TP63: variants seen among roughly 807,000 people sequenced by gnomAD.
The protein encoded by TP63 is tumor protein 63.
Under a neutral mutation model 82.8 loss-of-function variants are expected in TP63, and 17 were observed. That is an observed-to-expected ratio of 0.21 (90% CI 0.14 to 0.31). The LOEUF (loss-of-function observed/expected upper bound fraction) is 0.31. Among genes scored for constraint, TP63 ranks in the 10% least tolerant of loss-of-function variants. The pLI, the probability that TP63 is intolerant of heterozygous loss-of-function variation, is 1.00. For synonymous variants in TP63, 330 were observed against 321.7 expected, an observed-to-expected ratio of 1.03 and a Z score of -0.28; for missense variants, 648 against 895.3, an observed-to-expected ratio of 0.72 and a Z score of 3.52.
At chr3:189,734,171 CTT>C (rs57302272) in intron 1 of TP63, among the ~76,000 whole-genome samples, 37 of 84,648 alleles carry the variant, frequency 4.4e-4, no homozygotes, top group African/African-American at 1.5e-3. Flanking sequence ...TCCCTCCCTT[CTT>C]TTTTTTTTTT....
chr3:189,664,485 A>G (rs1714206552), intron 1 of TP63, among the ~76,000 whole-genome samples: 1 of 152,172 alleles, frequency 6.6e-6, no homozygotes, highest in Non-Finnish European at 1.5e-5. Context: ...GCAGCATGCC[A>G]CATTGCATAG....
intron 3 of TP63, among the ~76,000 whole-genome samples, chr3:189,745,259 G>A (rs981825052): frequency 6.6e-6 from 1 of 152,138 alleles, no homozygotes; most frequent in African/African-American, 2.4e-5. Flanking sequence ...TAATTCTCCA[G>A]CAATAGATCC....
At chr3:189,864,026 C>T (rs1279941123) in intron 4 of TP63, among the ~76,000 whole-genome samples, 1 of 152,120 alleles carries the variant, frequency 6.6e-6, no homozygotes, top group Admixed American at 6.5e-5. Context: ...CTTTTGTAAA[C>T]ATGGGGTTTT....
At chr3:189,715,390 A>C (rs2108760451) in intron 1 of TP63, among the ~76,000 whole-genome samples, 1 of 152,292 alleles carries the variant, frequency 6.6e-6, no homozygotes, top group African/African-American at 2.4e-5. Context: ...GGAAGCATTG[A>C]GGGTATGTTC....
intron 1 of TP63, among the ~76,000 whole-genome samples, chr3:189,632,781 A>T (rs1295088897): frequency 6.6e-6 from 1 of 152,132 alleles, no homozygotes; most frequent in African/African-American, 2.4e-5. Flanking sequence ...ATGTTCTTGT[A>T]TAATGTGAAA....
rs1280165381 is a variant in TP63 at position 189,878,649 on chromosome 3, A to G, written c.1349+5654A>G. Among the ~76,000 whole-genome samples, 4 of 151,264 alleles carry G rather than the reference A, an allele frequency of 2.6e-5. No individual in the cohort carries two copies. In the East Asian group the frequency reaches 7.7e-4, roughly 29 times the overall value. On this transcript the variant is annotated intron_variant, in intron 10 of 13. Transcript: ENST00000264731. ...TCACCATGTTGGCCAGGCTGGTCTC[A>G]AACCCCTGACGTTGTGATCCCCCCG...
At chr3:189,633,343 AC>A (rs1362161480) in intron 1 of TP63, among the ~76,000 whole-genome samples, 2 of 151,848 alleles carry the variant, frequency 1.3e-5, no homozygotes, top group Non-Finnish European at 2.9e-5. Context: ...TAAGCCTAGT[AC>A]CCATTAGTTA....
chr3:189,631,203 T>G (rs1729438090), upstream of TP63: 1 of 983,780 alleles, frequency 1.0e-6, no homozygotes, highest in African/African-American at 1.7e-5. Context: ...ACAACAAGTG[T>G]GGCTACTATA....
At chr3:189,881,742 G>A (rs1719933872) in intron 10 of TP63, among the ~76,000 whole-genome samples, 1 of 152,056 alleles carries the variant, frequency 6.6e-6, no homozygotes, top group Non-Finnish European at 1.5e-5. Flanking sequence ...AAATACTTTA[G>A]CTCTATGAGT....
intron 3 of TP63, among the ~76,000 whole-genome samples, chr3:189,806,349 G>A (rs935797807): frequency 2.0e-4 from 30 of 152,072 alleles, no homozygotes; most frequent in Middle Eastern, 3.2e-3. Flanking sequence ...TGTCAGGGAC[G>A]GCTGCCTCCC....
At chr3:189,681,668 T>C (rs964575922) in intron 1 of TP63, among the ~76,000 whole-genome samples, 2 of 152,194 alleles carry the variant, frequency 1.3e-5, no homozygotes, top group East Asian at 3.9e-4. Flanking sequence ...TGAACTCTAC[T>C]GGTTCTCTTC....
At chr3:189,638,830 G>C (rs1367201934) in intron 1 of TP63, among the ~76,000 whole-genome samples, 1 of 152,118 alleles carries the variant, frequency 6.6e-6, no homozygotes, top group African/African-American at 2.4e-5. Flanking sequence ...TGCAAGTTCA[G>C]CATTTTTATC....
At chr3:189,719,483 A>T (rs1176924556) in intron 1 of TP63, among the ~76,000 whole-genome samples, 1 of 152,172 alleles carries the variant, frequency 6.6e-6, no homozygotes, top group Non-Finnish European at 1.5e-5. Flanking sequence ...ACCAATCAAC[A>T]CATCTAGTCC....
Position 189,858,221 on chromosome 3 carries a change from C to T in TP63, c.580-6011C>T, listed in dbSNP as rs1258431425. ...GAGATCGAGACCATCCTGGCTAACA[C>T]GGTGAAACCCCGTCTCTACTAAAAA... On this transcript the variant is annotated intron_variant, in intron 4 of 13. Transcript: ENST00000264731. Among the ~76,000 whole-genome samples the T allele has an allele frequency of 1.5e-4, 4 of 26,262 alleles. 2 individuals are homozygous for T. Among genetic ancestry groups the T allele is most frequent in the African/African-American group, 4.5e-4 (2 of 4,414 alleles). The allele number at this position is 26,262 out of a possible 152,430, so 17.2% of individuals were successfully genotyped here.
the TP63 span, among the ~76,000 whole-genome samples, chr3:189,607,324 C>T: frequency 3.3e-5 from 5 of 152,116 alleles, no homozygotes; most frequent in South Asian, 2.1e-4. Flanking sequence ...TATTGACAAG[C>T]GTGTCATAGA....
intron 4 of TP63, among the ~76,000 whole-genome samples, chr3:189,855,857 C>A (rs1036197847): frequency 6.6e-6 from 1 of 151,866 alleles, no homozygotes; most frequent in African/African-American, 2.4e-5. Context: ...TAATAAAAGG[C>A]AGATTGTAGA....
At position 189,789,864 on chromosome 3, in the gene TP63, A is replaced by C. The variant is rs749390633; in HGVS notation, c.325-18408A>C. On this transcript the variant is annotated intron_variant, in intron 3 of 13. Transcript: ENST00000264731. The stretch of plus-strand genomic sequence containing the variant: ...TGAGGTAAGGATTTTAGATTTTAGC[A>C]CTCCATTTAGAGATGCTTTTTAATT... The C allele has an allele frequency of 7.0e-6, 11 of 1,567,082 alleles. No individual in the cohort carries two copies. The African/African-American group carries it at 8.3e-5, about 12-fold the overall frequency.
At chr3:189,667,150 G>A (rs1714466677) in intron 1 of TP63, among the ~76,000 whole-genome samples, 1 of 148,974 alleles carries the variant, frequency 6.7e-6, no homozygotes, top group Non-Finnish European at 1.5e-5. Flanking sequence ...TCCCACTGAA[G>A]CTAAGGCAGA....
intron 1 of TP63, among the ~76,000 whole-genome samples, chr3:189,664,309 T>C (rs1577199591): frequency 6.6e-6 from 1 of 152,210 alleles, no homozygotes; most frequent in East Asian, 1.9e-4. Context: ...TAAAATCTTT[T>C]GTAAATTTTA....
Sources: gnomAD v4.1 joint callset for allele counts (sites outside exome capture counted in the v4.1 genomes callset) on GRCh38, gnomAD v4.1.1 for gene constraint, MANE v1.5 for transcripts, NCBI Gene and HGNC (gene_info 2026-07-23, HGNC 2026-07-21) for gene names.